BCL11B: variants seen among roughly 807,000 people sequenced by gnomAD.
The protein encoded by BCL11B is BCL11 transcription factor B.
A neutral mutation model predicts 49.9 loss-of-function variants in BCL11B; 8 were observed. The ratio of observed to expected loss-of-function variants is 0.16; its 90% CI spans 0.09 to 0.29. The LOEUF (loss-of-function observed/expected upper bound fraction) is 0.29. Ranked by LOEUF, BCL11B falls within the 10% of genes least tolerant of loss-of-function variation. The pLI is 1.00. For missense variants in BCL11B, 1,006 were observed against 1,351.0 expected, an observed-to-expected ratio of 0.74 and a Z score of 4.00; for synonymous variants, 739 against 637.4, an observed-to-expected ratio of 1.16 and a Z score of -2.40.
intron 1 of BCL11B, among the ~76,000 whole-genome samples, chr14:99,261,471 T>G (rs1889336627): frequency 6.6e-6 from 1 of 152,178 alleles, no homozygotes; most frequent in African/African-American, 2.4e-5. Flanking sequence ...GAGCCAGGCC[T>G]CTGTTCTAAC....
rs1205632744 is a variant in BCL11B at position 99,174,479 on chromosome 14, C to T, written c.2357G>A (p.Arg786Gln). 1.9e-6 allele frequency: 3 copies of T among 1,582,146 alleles called. No individual in the cohort carries two copies. Among genetic ancestry groups the T allele is most frequent in the South Asian group, 1.1e-5 (1 of 87,836 alleles). Residue 786 changes from arginine (R) to glutamine (Q), a missense_variant, in exon 4 of 4, where the codon CGG (arginine) becomes CAG (glutamine). This residue lies in a region of BCL11B where 443 missense variants were observed against 499.7 expected (regional missense o/e 0.89). Transcript: ENST00000357195. ...GCGGCGGCCCTCCTTGGAGCTGGGCCGCCCGGGGCCCGGGCCGCCCAGGTG... is the reference window on the plus strand; with the variant it reads ...GCGGCGGCCCTCCTTGGAGCTGGGCTGCCCGGGGCCCGGGCCGCCCAGGTG... ...TPHLGGPGPGRPSSKEGRRSD... is the reference protein window; with the variant it reads ...TPHLGGPGPGQPSSKEGRRSD...
intron 1 of BCL11B, among the ~76,000 whole-genome samples, chr14:99,268,021 G>A (rs1435853219): frequency 5.3e-5 from 8 of 151,650 alleles, no homozygotes; most frequent in East Asian, 1.9e-4. Flanking sequence ...GTGGTCAGCC[G>A]ATCCCCCTTA....
chr14:99,271,322 C>CTG lies in BCL11B; in HGVS notation c.-105_-104insCA. On this transcript the variant is annotated 5_prime_UTR_variant, in exon 1 of 4. Transcript: ENST00000357195. ...CGCGCCGCTGCCGCCGCTGCCGCCG[C>CTG]CGCCGCCGCCGCCGCACCTCCTCCT... 3 of 760,962 alleles carry CTG rather than the reference C, an allele frequency of 3.9e-6. No homozygotes were observed. Among genetic ancestry groups the CTG allele is most frequent in the Non-Finnish European group, 3.5e-6 (2 of 572,918 alleles). The allele number at this position is 760,962 out of a possible 1,614,324, so 47.1% of individuals were successfully genotyped here.
intron 3 of BCL11B, among the ~76,000 whole-genome samples, chr14:99,199,681 T>C (rs8017458): frequency 0.17 from 11,841 of 70,080 alleles, 793 homozygotes; most frequent in African/African-American, 0.28. Context: ...TGTGTGTGTG[T>C]GTGCGCGCGC....
In BCL11B at chr14:99,192,702, C is replaced by T; in HGVS notation, c.641-16507G>A. Among the ~76,000 whole-genome samples the T allele has an allele frequency of 6.6e-6, 1 of 152,172 alleles. No homozygotes were observed. The highest frequency in any genetic ancestry group is 1.9e-4 in the East Asian group (1 of 5,188). On this transcript the variant is annotated intron_variant, in intron 3 of 3. Transcript: ENST00000357195. This position sits in a 1 kb window ranked among gnomAD's most constrained non-coding sequence, Gnocchi z 4.0. ...TGATTCTCCTGCTTCCTAGCCTTGG[C>T]TGAACATGAATGAGTGAGCTCAACT... is the stretch of plus-strand genomic sequence containing the variant.
intron 3 of BCL11B, among the ~76,000 whole-genome samples, chr14:99,191,964 C>G (rs946667532): frequency 6.6e-6 from 1 of 152,136 alleles, no homozygotes; most frequent in African/African-American, 2.4e-5. Context: ...AGGAGGATGA[C>G]CACGCAAGCT....
intron 2 of BCL11B, among the ~76,000 whole-genome samples, chr14:99,236,286 G>A (rs1888496283): frequency 6.6e-6 from 1 of 152,134 alleles, no homozygotes; most frequent in Non-Finnish European, 1.5e-5. Context: ...TATTTTGCCA[G>A]CTACTTTGTC....
At position 99,231,467 on chromosome 14, in the gene BCL11B, G is replaced by A. The variant is rs745332294; in HGVS notation, c.518C>T (p.Ala173Val). The A allele has an allele frequency of 5.6e-6, 9 of 1,599,376 alleles. No homozygotes were observed. Among genetic ancestry groups the A allele is most frequent in the South Asian group, 3.4e-5 (3 of 88,504 alleles). ...GAGGCAGGGCGGGAGAGCGCCCAGG[G>A]CACGCAGAGGTGAAGTGATCACGGA... ...HSSVITSPLRALGALPPCLPL... is the reference protein window; with the variant it reads ...HSSVITSPLRVLGALPPCLPL... The change falls in exon 3 of 4, where the codon GCC (alanine) becomes GTC (valine). Residue 173 changes from alanine to valine, a missense_variant. Around this residue, in one of 6 missense-constraint regions of BCL11B, gnomAD observed 411 missense variants for 542.2 expected, o/e 0.76. Coordinates refer to ENST00000357195, the MANE Select transcript of BCL11B (RefSeq NM_138576.4). This position sits in a 1 kb window ranked among gnomAD's most constrained non-coding sequence, Gnocchi z 8.1.
Position 99,192,575 on chromosome 14 carries a change from C to A in BCL11B, c.641-16380G>T, listed in dbSNP as rs991024901. 6.6e-6 allele frequency among the ~76,000 whole-genome samples: 1 copy of A among 152,202 alleles called. No homozygotes were observed. The highest frequency in any genetic ancestry group is 2.4e-5 in the African/African-American group (1 of 41,448). On this transcript the variant is annotated intron_variant, in intron 3 of 3. Transcript: ENST00000357195. The surrounding 1 kb of genome is among the most constrained non-coding windows in gnomAD (Gnocchi z 4.0). The stretch of plus-strand genomic sequence containing the variant: ...GCTGCCTCCTCTACCCTCCTGCTGT[C>A]CTGCCAGGTACCAGGTGTACCAGAC...
In BCL11B at chr14:99,192,253, T is replaced by C. The variant is rs1378505004; in HGVS notation, c.641-16058A>G. The stretch of plus-strand genomic sequence containing the variant: ...CAGCGTTTCCTTGGAGCGCACACGG[T>C]GAACCTGGCTCTCGCATACAGTAGC... On this transcript the variant is annotated intron_variant, in intron 3 of 3. Transcript: ENST00000357195. The surrounding 1 kb of genome is among the most constrained non-coding windows in gnomAD (Gnocchi z 4.0). Among the ~76,000 whole-genome samples the C allele has an allele frequency of 6.6e-6, 1 of 152,166 alleles. No individual in the cohort carries two copies. Among genetic ancestry groups the C allele is most frequent in the Non-Finnish European group, 1.5e-5 (1 of 68,028 alleles).
In BCL11B at chr14:99,257,406, A is replaced by G. The variant is rs1036444961; in HGVS notation, c.427+65T>C. The G allele has an allele frequency of 5.2e-6, 8 of 1,528,336 alleles. No individual in the cohort carries two copies. The Admixed American group carries it at 7.4e-5, about 14-fold the overall frequency. 94.7% of individuals were successfully genotyped at this position (1,528,336 alleles called of 1,614,324 possible). On this transcript the variant is annotated intron_variant, in intron 2 of 3. Transcript: ENST00000357195. This position sits in a 1 kb window ranked among gnomAD's most constrained non-coding sequence, Gnocchi z 6.2. ...GGCCTTCCCCTGCACCAGCACACTC[A>G]GGCAGAGGGCATGGGACCCAGGAGG... is the stretch of plus-strand genomic sequence containing the variant.
In BCL11B at chr14:99,205,595, G is replaced by A. The variant is rs1268657423; in HGVS notation, c.640+25750C>T. ...GAGATGAGCTCCCTTTTCCAGAGGA[G>A]GAAAAAGGAGCCCAAAATTTGACAG... On this transcript the variant is annotated intron_variant, in intron 3 of 3. Coordinates refer to ENST00000357195, the MANE Select transcript of BCL11B (RefSeq NM_138576.4). The surrounding 1 kb of genome is among the most constrained non-coding windows in gnomAD (Gnocchi z 5.0). 6.6e-6 allele frequency among the ~76,000 whole-genome samples: 1 copy of A among 152,098 alleles called. No individual in the cohort carries two copies. Among genetic ancestry groups the A allele is most frequent in the Non-Finnish European group, 1.5e-5 (1 of 68,012 alleles).
In BCL11B at chr14:99,262,244, A is replaced by ACT; in HGVS notation, c.59-4407_59-4406dup. On this transcript the variant is annotated intron_variant, in intron 1 of 3. Transcript: ENST00000357195. The surrounding 1 kb of genome is among the most constrained non-coding windows in gnomAD (Gnocchi z 4.2). ...CGCCCTCCCTGGCCCATCTCTAACA[A>ACT]CTGCCCATGCACCTGCCCTTAGGGG... 6.6e-6 allele frequency among the ~76,000 whole-genome samples: 1 copy of ACT among 152,274 alleles called. No homozygotes were observed. Among genetic ancestry groups the ACT allele is most frequent in the South Asian group, 2.1e-4 (1 of 4,814 alleles).
At position 99,271,287 on chromosome 14, in the gene BCL11B, G is replaced by C. The variant is rs1889673000; in HGVS notation, c.-69C>G. ...TGGGGGGAGCCGGGGGAGGGGGTCC[G>C]AGCCGCCGCCGCGCCGCTGCCGCCG... is the stretch of plus-strand genomic sequence containing the variant. On this transcript the variant is annotated 5_prime_UTR_variant, in exon 1 of 4. Transcript: ENST00000357195. 3.6e-6 allele frequency: 4 copies of C among 1,114,446 alleles called. No homozygotes were observed. Among genetic ancestry groups the C allele is most frequent in the African/African-American group, 3.2e-5 (2 of 62,154 alleles). 69.0% of individuals were successfully genotyped at this position (1,114,446 alleles called of 1,614,324 possible).
rs1313014312 is a variant in BCL11B, at chr14:99,231,998, T to G, written c.428-441A>C. On this transcript the variant is annotated intron_variant, in intron 2 of 3. Transcript: ENST00000357195. This position sits in a 1 kb window ranked among gnomAD's most constrained non-coding sequence, Gnocchi z 8.1. ...GAAGCTCACAGCCTCCCCTGTTTGC[T>G]GTATCAGGATGGGCTGTTCCTACAG... Among the ~76,000 whole-genome samples, 1 of 152,144 alleles carries G rather than the reference T, an allele frequency of 6.6e-6. No individual in the cohort carries two copies. Among genetic ancestry groups the G allele is most frequent in the African/African-American group, 2.4e-5 (1 of 41,444 alleles).
intron 3 of BCL11B, among the ~76,000 whole-genome samples, chr14:99,217,213 T>G (rs1387203350): frequency 1.3e-5 from 2 of 152,140 alleles, no homozygotes; most frequent in African/African-American, 4.8e-5. Flanking sequence ...TGCTCACATA[T>G]ACACTCAGAC....
At chr14:99,230,556 C>G (rs1888298508) in intron 3 of BCL11B, among the ~76,000 whole-genome samples, 1 of 152,186 alleles carries the variant, frequency 6.6e-6, no homozygotes, top group South Asian at 2.1e-4. Flanking sequence ...TCCCAAGGAC[C>G]CCAAGGATTC....
chr14:99,202,142 C>G (rs868582440), intron 3 of BCL11B, among the ~76,000 whole-genome samples: 2 of 152,126 alleles, frequency 1.3e-5, no homozygotes, highest in African/African-American at 4.8e-5. Context: ...CCACCACACT[C>G]GGCTGATTTT....
chr14:99,212,908 G>C (rs1245839380), intron 3 of BCL11B, among the ~76,000 whole-genome samples: 1 of 152,216 alleles, frequency 6.6e-6, no homozygotes, highest in Non-Finnish European at 1.5e-5. Context: ...CTCTGGGTCT[G>C]TCCCCAAACC....
Sources: gnomAD v4.1 joint callset for allele counts (sites outside exome capture counted in the v4.1 genomes callset) on GRCh38, gnomAD v4.1.1 for gene constraint, gnomAD v4.1.1 regional missense constraint, Gnocchi (gnomAD v3.1) non-coding constraint, MANE v1.5 for transcripts, NCBI Gene and HGNC (gene_info 2026-07-23, HGNC 2026-07-21) for gene names.